Variants in CLMP observed in about 807,000 individuals in gnomAD.
CLMP encodes CXADR like cell adhesion molecule.
CLMP carries 27 observed loss-of-function variants against 45.2 expected under a neutral mutation model. The ratio of observed to expected loss-of-function variants is 0.60; its 90% CI spans 0.44 to 0.82. The LOEUF (loss-of-function observed/expected upper bound fraction) is 0.82. CLMP is among the 40% of genes least tolerant of loss of function. CLMP has a pLI of 0.00. For missense variants in CLMP, 403 were observed against 448.4 expected, an observed-to-expected ratio of 0.90 and a Z score of 0.91; for synonymous variants, 167 against 171.4, an observed-to-expected ratio of 0.97 and a Z score of 0.20.
At chr11:123,104,210 C>T (rs1860500628) in intron 1 of CLMP, among the ~76,000 whole-genome samples, 3 of 138,108 alleles carry the variant, frequency 2.2e-5, no homozygotes, top group Admixed American at 8.1e-5. Context: ...ATCTCGGGTT[C>T]ATGAGTAACT....
At chr11:123,170,871 T>C (rs1243712683) in intron 1 of CLMP, among the ~76,000 whole-genome samples, 2 of 152,220 alleles carry the variant, frequency 1.3e-5, no homozygotes, top group East Asian at 3.8e-4. Flanking sequence ...TCTTTATCTG[T>C]TCATCACGGG....
chr11:123,193,424 T>C (rs1861934654), intron 1 of CLMP, among the ~76,000 whole-genome samples: 1 of 152,250 alleles, frequency 6.6e-6, no homozygotes, highest in African/African-American at 2.4e-5. Flanking sequence ...TATCTGGTGA[T>C]TGGTAACCTA....
intron 1 of CLMP, among the ~76,000 whole-genome samples, chr11:123,143,911 C>A (rs370786940): frequency 6.6e-6 from 1 of 151,832 alleles, no homozygotes; most frequent in South Asian, 2.1e-4. Context: ...CAGGTCCAAG[C>A]GATCCTCCTA....
intron 1 of CLMP, among the ~76,000 whole-genome samples, chr11:123,098,546 T>A (rs891721205): frequency 1.2e-4 from 18 of 151,788 alleles, no homozygotes; most frequent in African/African-American, 4.4e-4. Context: ...TGTTTGTTTG[T>A]TTTTAGAGAG....
At chr11:123,076,587 G>A (rs1402108962) in intron 5 of CLMP, among the ~76,000 whole-genome samples, 2 of 152,228 alleles carry the variant, frequency 1.3e-5, no homozygotes, top group Admixed American at 6.5e-5. Context: ...TATAAAGGAC[G>A]ATCTTGTGAT....
At chr11:123,073,945 C>CAT (rs1291840864) in intron 6 of CLMP, among the ~76,000 whole-genome samples, 171 bp from the exon 7 acceptor site, 1 of 152,146 alleles carries the variant, frequency 6.6e-6, no homozygotes, top group East Asian at 1.9e-4. Flanking sequence ...GCTTGGCTCA[C>CAT]ACAAATGTAT....
Position 123,082,843 on chromosome 11 carries a change from C to A in CLMP, c.679+242G>T, listed in dbSNP as rs1397422819. Reference sequence around the variant, plus strand: ...GCTGGTCTCAAACTCCTGACCTCAACTGATCTGCCCACCTGGCCCTCCCAA... The same window carrying A: ...GCTGGTCTCAAACTCCTGACCTCAAATGATCTGCCCACCTGGCCCTCCCAA... On this transcript the variant is annotated intron_variant, in intron 5 of 6. Coordinates refer to ENST00000448775, the MANE Select transcript of CLMP (RefSeq NM_024769.5). Among the ~76,000 whole-genome samples the A allele has an allele frequency of 2.0e-5, 3 of 151,762 alleles. No homozygotes were observed. The East Asian group carries it at 5.8e-4, about 30-fold the overall frequency.
At chr11:123,135,442 G>A (rs7130674) in intron 1 of CLMP, among the ~76,000 whole-genome samples, 87,111 of 151,870 alleles carry the variant, frequency 0.57, 26,290 homozygotes, top group African/African-American at 0.77. Flanking sequence ...AGTGAAAAAC[G>A]AAGTCCTGAA....
Position 123,152,560 on chromosome 11 carries a change from A to AAAT in CLMP, c.28+42350_28+42352dup, listed in dbSNP as rs1457294444. Reference sequence around the variant, plus strand: ...TAAATAAATAAATAAATAAATAAATAAATAAAAAATAAATAAAATGAAAGC... The same window carrying AAAT: ...TAAATAAATAAATAAATAAATAAATAAATAATAAAAAATAAATAAAATGAAAGC... On this transcript the variant is annotated intron_variant, in intron 1 of 6. Transcript: ENST00000448775. Among the ~76,000 whole-genome samples the AAAT allele has an allele frequency of 1.8e-3, 262 of 147,458 alleles. 1 individual carries two copies. Among genetic ancestry groups the AAAT allele is most frequent in the African/African-American group, 6.5e-3 (246 of 37,966 alleles).
intron 1 of CLMP, among the ~76,000 whole-genome samples, chr11:123,163,771 T>A (rs1471642765): frequency 6.6e-6 from 1 of 152,188 alleles, no homozygotes; most frequent in Non-Finnish European, 1.5e-5. Context: ...AGAGTCAGAA[T>A]TAATTTGCGT....
chr11:123,125,528 C>CTT (rs1426779080), intron 1 of CLMP, among the ~76,000 whole-genome samples: 1 of 104,132 alleles, frequency 9.6e-6, no homozygotes, highest in African/African-American at 3.6e-5. Context: ...CTTCCCTTCC[C>CTT]TTCCCTCCCC....
At chr11:123,133,850 T>C (rs944519679) in intron 1 of CLMP, among the ~76,000 whole-genome samples, 1 of 152,158 alleles carries the variant, frequency 6.6e-6, no homozygotes, top group Middle Eastern at 3.2e-3. Flanking sequence ...CTTATTACCC[T>C]TAGATCATAC....
At chr11:123,098,396 T>A (rs186636230) in intron 1 of CLMP, among the ~76,000 whole-genome samples, 2,341 of 152,000 alleles carry the variant, frequency 0.015, 33 homozygotes, top group Middle Eastern at 0.041. Context: ...CCCAGCTAAT[T>A]TTTGTATTTT....
intron 1 of CLMP, among the ~76,000 whole-genome samples, chr11:123,162,812 G>A (rs755757000): frequency 2.6e-4 from 39 of 151,834 alleles, no homozygotes; most frequent in Non-Finnish European, 4.9e-4. Flanking sequence ...TGAGGCAGGA[G>A]GATCACTTGA....
At chr11:123,162,139 G>T (rs1294418292) in intron 1 of CLMP, among the ~76,000 whole-genome samples, 1 of 152,332 alleles carries the variant, frequency 6.6e-6, no homozygotes, top group African/African-American at 2.4e-5. Flanking sequence ...CTAAGGGGAA[G>T]TTCCTGGAGG....
At chr11:123,131,132 C>T (rs759026596) in intron 1 of CLMP, among the ~76,000 whole-genome samples, 3 of 151,974 alleles carry the variant, frequency 2.0e-5, no homozygotes, top group African/African-American at 4.8e-5. Flanking sequence ...CGTGAGCCAC[C>T]GTGCCCAGCC....
chr11:123,109,622 C>T (rs145433430), intron 1 of CLMP, among the ~76,000 whole-genome samples: 1 of 152,294 alleles, frequency 6.6e-6, no homozygotes, highest in South Asian at 2.1e-4. Flanking sequence ...ACATAGTTAT[C>T]CTGCTGGCTG....
At chr11:123,152,436 T>A (rs765906186) in intron 1 of CLMP, among the ~76,000 whole-genome samples, 5 of 151,772 alleles carry the variant, frequency 3.3e-5, no homozygotes, top group Non-Finnish European at 7.4e-5. Context: ...GGCAGGAGAA[T>A]CACTTGAACC....
At chr11:123,074,647 A>G (rs1865713342) in intron 6 of CLMP, 55 bp downstream of exon 6, 6 of 1,561,250 alleles carry the variant, frequency 3.8e-6, no homozygotes, top group African/African-American at 2.7e-5. Flanking sequence ...GCTGGTCACT[A>G]TAGTGCTGGC....
Sources: allele counts gnomAD v4.1 joint callset (sites outside exome capture counted in the v4.1 genomes callset), GRCh38; gene constraint gnomAD v4.1.1; transcripts MANE v1.5; gene names NCBI Gene and HGNC (gene_info 2026-07-23, HGNC 2026-07-21).